Variants in APOL3 observed in about 807,000 individuals in gnomAD.
APOL3 encodes the protein TNF-inducible protein CG12-1.
In APOL3, 14 loss-of-function variants were observed where a neutral mutation model predicts 11.6. The observed-to-expected ratio is 1.21, with a 90% CI of 0.80 to 1.89. The LOEUF (loss-of-function observed/expected upper bound fraction) is 1.89. Ranked by LOEUF, APOL3 falls within the 40% of genes most tolerant of loss-of-function variation. APOL3 has a pLI of 0.00. For missense variants in APOL3, 483 were observed against 492.1 expected (o/e 0.98, Z 0.17); for synonymous variants, 192 against 190.6 (o/e 1.01, Z -0.06).
intron 1 of APOL3, chr22:36,153,358 A>G (rs770031913): frequency 2.2e-6 from 1 of 456,134 alleles, no homozygotes; most frequent in South Asian, 1.5e-5. Context: ...CCAAAGAGAA[A>G]TACACCTGCC....
chr22:36,141,061 C>T, exon 3 of APOL3: 1 of 1,309,046 alleles, frequency 7.6e-7, no homozygotes, highest in South Asian at 1.4e-5. Context: ...CTGCTGTGCT[C>T]AGCTACAGAA....
At chr22:36,156,885 C>A in intron 1 of APOL3, 2 of 452,110 alleles carry the variant, frequency 4.4e-6, no homozygotes, top group East Asian at 1.4e-4. Flanking sequence ...TGGCTGAAAT[C>A]CGAGGTGTGG....
exon 3 of APOL3, chr22:36,141,995 G>T: frequency 6.2e-7 from 1 of 1,614,094 alleles, no homozygotes; most frequent in Non-Finnish European, 8.5e-7. Context: ...GCACATATTC[G>T]TCCTCAATAG....
chr22:36,151,170 G>T (rs536554005), intron 1 of APOL3, among the ~76,000 whole-genome samples: 5 of 152,246 alleles, frequency 3.3e-5, no homozygotes, highest in Admixed American at 3.3e-4. Flanking sequence ...GCATCTAAAG[G>T]CCCCAGAAAT....
chr22:36,147,509 G>A (rs61352632), intron 1 of APOL3, among the ~76,000 whole-genome samples: 10,888 of 152,154 alleles, frequency 0.072, 1,293 homozygotes, highest in African/African-American at 0.25. Context: ...GGTAGGTCCC[G>A]GCTTCTAATC....
chr22:36,142,499 T>C (rs1344199521), intron 2 of APOL3, among the ~76,000 whole-genome samples: 1 of 152,188 alleles, frequency 6.6e-6, no homozygotes, highest in Non-Finnish European at 1.5e-5. Flanking sequence ...TCTTTTGTCT[T>C]TGGGCCCTGG....
At chr22:36,142,405 A>C (rs1176493074) in intron 2 of APOL3, among the ~76,000 whole-genome samples, 1 of 152,160 alleles carries the variant, frequency 6.6e-6, no homozygotes, top group Non-Finnish European at 1.5e-5. Context: ...AGATGAACAA[A>C]GAGAAGTGGG....
At chr22:36,143,510 T>A (rs747303711) in intron 2 of APOL3, among the ~76,000 whole-genome samples, 10 of 152,224 alleles carry the variant, frequency 6.6e-5, no homozygotes, top group Non-Finnish European at 1.3e-4. Flanking sequence ...TTTGACTAAC[T>A]CTGAGTCCTT....
Position 36,141,863 on chromosome 22 carries a change from TC to T in APOL3, c.545del (p.Arg182LysfsTer43), listed in dbSNP as rs1569528748. On this transcript the variant is annotated frameshift_variant, in exon 3 of 3. Transcript: ENST00000349314. LOFTEE classifies it low-confidence loss of function (END_TRUNC). ...ACACCACATTGGAGATGGTGCAGCC[TC>T]TGTGGACCTCTTCAATACCATTTGC... 2.5e-6 allele frequency: 4 copies of T among 1,614,248 alleles called. No homozygotes were observed. Among genetic ancestry groups the T allele is most frequent in the Middle Eastern group, 1.6e-4 (1 of 6,062 alleles).
At chr22:36,147,786 C>T (rs1383254013) in intron 1 of APOL3, among the ~76,000 whole-genome samples, 1 of 152,132 alleles carries the variant, frequency 6.6e-6, no homozygotes. Context: ...GGTGGGAGTA[C>T]CAGGGTGTTA....
chr22:36,148,318 G>A (rs2060293333), intron 1 of APOL3, among the ~76,000 whole-genome samples: 1 of 152,212 alleles, frequency 6.6e-6, no homozygotes, highest in Admixed American at 6.5e-5. Context: ...GACAAAAAGG[G>A]GCTTCCACCT....
chr22:36,163,941 T>C (rs1022524269), upstream of APOL3, among the ~76,000 whole-genome samples: 1 of 152,254 alleles, frequency 6.6e-6, no homozygotes, highest in Non-Finnish European at 1.5e-5. Flanking sequence ...TGCCTTTTTT[T>C]AAATATTAGC....
chr22:36,160,776 C>T (rs748267910), exon 1 of APOL3: 1 of 1,614,126 alleles, frequency 6.2e-7, no homozygotes, highest in Non-Finnish European at 8.5e-7. Context: ...GTTCTCCAGG[C>T]TCTGAGATAT....
intron 1 of APOL3, 21 bp from the exon 3 acceptor site, chr22:36,145,620 T>C: frequency 1.2e-6 from 2 of 1,612,334 alleles, no homozygotes; most frequent in South Asian, 1.1e-5. Flanking sequence ...ACAAAAAGCA[T>C]AAGATTGGAA....
chr22:36,143,654 G>A (rs1223801914), intron 2 of APOL3, among the ~76,000 whole-genome samples: 3 of 152,180 alleles, frequency 2.0e-5, no homozygotes, highest in Non-Finnish European at 2.9e-5. Context: ...ACTGAAAAGT[G>A]AAAGGCCTGG....
At chr22:36,145,254 A>G (rs2060149916) in intron 2 of APOL3, among the ~76,000 whole-genome samples, 1 of 152,160 alleles carries the variant, frequency 6.6e-6, no homozygotes, top group African/African-American at 2.4e-5. Context: ...GGCAGAACTG[A>G]CCCTGCCCTT....
At chr22:36,158,846 C>T (rs1202546417) in intron 1 of APOL3, among the ~76,000 whole-genome samples, 4 of 151,900 alleles carry the variant, frequency 2.6e-5, no homozygotes, top group African/African-American at 9.7e-5. Context: ...GCGATGCCTC[C>T]CTTAAAGAAA....
chr22:36,147,817 C>A (rs752723791), intron 1 of APOL3, among the ~76,000 whole-genome samples: 1 of 152,160 alleles, frequency 6.6e-6, no homozygotes, highest in Non-Finnish European at 1.5e-5. Context: ...AAAATGAACA[C>A]CTGGGCAAAC....
At chr22:36,142,159 G>A (rs2060021806) in intron 2 of APOL3, 101 bp from the exon 4 acceptor site, 1 of 1,284,998 alleles carries the variant, frequency 7.8e-7, no homozygotes, top group South Asian at 1.8e-5. Flanking sequence ...CTATTACTAT[G>A]AGTCAAATGG....
Sources: allele counts gnomAD v4.1 joint callset (sites outside exome capture counted in the v4.1 genomes callset), GRCh38; gene constraint gnomAD v4.1.1; transcripts MANE v1.5; gene names NCBI Gene and HGNC (gene_info 2026-07-23, HGNC 2026-07-21).